Variants in TMEM260 observed in about 807,000 individuals in gnomAD.
TMEM260 encodes the protein protein O-mannosyl-transferase TMEM260.
Under a neutral mutation model 88.9 loss-of-function variants are expected in TMEM260, and 82 were observed. The observed-to-expected ratio is 0.92, with a 90% confidence interval of 0.77 to 1.11. The LOEUF (loss-of-function observed/expected upper bound fraction) is 1.11. Among genes scored for constraint, TMEM260 ranks in the 50% least tolerant of loss-of-function variants. The probability of loss-of-function intolerance (pLI) is 0.00; values close to 1 mark genes in which losing one functional copy is unlikely to be tolerated. For missense variants in TMEM260, 902 were observed against 853.4 expected, an observed-to-expected ratio of 1.06 and a Z score of -0.71; for synonymous variants, 314 against 309.3, an observed-to-expected ratio of 1.02 and a Z score of -0.16.
At chr14:56,625,799 T>G (rs1331508046) in intron 12 of TMEM260, among the ~76,000 whole-genome samples, 1 of 152,236 alleles carries the variant, frequency 6.6e-6, no homozygotes, top group Non-Finnish European at 1.5e-5. Context: ...ATTGGAGATG[T>G]GCCTGCCTAC....
Position 56,585,829 on chromosome 14 carries a change from T to C in TMEM260, c.261T>C (p.Phe87=), listed in dbSNP as rs61732665. The part of the protein sequence containing the change: ...VAKLAITLFP[F]GSIAYRVNLL... The stretch of plus-strand genomic sequence containing the variant: ...AACTGGCAATTACACTGTTTCCTTT[T>C]GGTTCAATTGCCTACCGCGTCAATC... Residue 87 remains phenylalanine (F), a synonymous_variant, in exon 3 of 16, where the codon TTT becomes TTC. Coordinates refer to ENST00000261556, the MANE Select transcript of TMEM260 (RefSeq NM_017799.4). The C allele has an allele frequency of 1.1e-3, 1,841 of 1,613,542 alleles. 23 individuals are homozygous for C. The African/African-American group carries it at 0.022, about 20-fold the overall frequency.
chr14:56,630,178 TTTTA>T (rs1485811271), intron 12 of TMEM260, among the ~76,000 whole-genome samples: 9 of 152,202 alleles, frequency 5.9e-5, no homozygotes, highest in African/African-American at 1.7e-4. Flanking sequence ...TTTCAAGACT[TTTTA>T]TTTGTCTTTA....
chr14:56,624,779 G>A (rs1320032305), intron 11 of TMEM260, among the ~76,000 whole-genome samples: 3 of 151,866 alleles, frequency 2.0e-5, no homozygotes, highest in Non-Finnish European at 4.4e-5. Flanking sequence ...TATTTACAGT[G>A]GTTCTGAAAG....
chr14:56,657,308 T>A, the TMEM260 span, among the ~76,000 whole-genome samples: 30 of 147,172 alleles, frequency 2.0e-4, no homozygotes, highest in African/African-American at 5.3e-4. Flanking sequence ...TCACTTTTTT[T>A]TTTACTTTTT....
At chr14:56,628,376 G>A (rs997859760) in intron 12 of TMEM260, among the ~76,000 whole-genome samples, 1 of 152,188 alleles carries the variant, frequency 6.6e-6, no homozygotes, top group African/African-American at 2.4e-5. Flanking sequence ...TCTTTTACAA[G>A]TGTCTTTTGC....
chr14:56,584,026 G>GTA (rs141472849), intron 1 of TMEM260, among the ~76,000 whole-genome samples: 3 of 140,340 alleles, frequency 2.1e-5, no homozygotes, highest in African/African-American at 7.8e-5. Context: ...GTGTGTGTGT[G>GTA]TATGTGTTTA....
At chr14:56,642,162 T>C (rs1272513444) in intron 15 of TMEM260, among the ~76,000 whole-genome samples, 11 of 152,202 alleles carry the variant, frequency 7.2e-5, no homozygotes, top group African/African-American at 2.7e-4. Context: ...GCGGACCTAA[T>C]AGAGATCTAC....
chr14:56,580,444 G>C (rs1282472361), intron 1 of TMEM260, among the ~76,000 whole-genome samples: 5 of 152,204 alleles, frequency 3.3e-5, no homozygotes, highest in African/African-American at 9.7e-5. Flanking sequence ...CAGTAGTGGC[G>C]AACAGATAAT....
At chr14:56,638,161 C>G (rs1889265310) in intron 15 of TMEM260, 1 of 151,012 alleles carries the variant, frequency 6.6e-6, no homozygotes, top group Non-Finnish European at 1.5e-5. Flanking sequence ...AAGGCAGATC[C>G]CTCCGAGACA....
At chr14:56,580,150 T>C in intron 1 of TMEM260, 76 bp downstream of exon 1, 1 of 1,194,564 alleles carries the variant, frequency 8.4e-7, no homozygotes. Flanking sequence ...GTCTGGCCCC[T>C]GCTCTTGGCA....
At chr14:56,651,415 G>A (rs1017773259), downstream of TMEM260, among the ~76,000 whole-genome samples, 2 of 151,990 alleles carry the variant, frequency 1.3e-5, no homozygotes, top group Non-Finnish European at 2.9e-5. Context: ...ATGCCATATT[G>A]GAAAACAAAA....
At chr14:56,640,036 T>TCCTG (rs918159702) in intron 15 of TMEM260, among the ~76,000 whole-genome samples, 1 of 152,056 alleles carries the variant, frequency 6.6e-6, no homozygotes, top group Non-Finnish European at 1.5e-5. Flanking sequence ...CTGCGTGCCT[T>TCCTG]CCTGCCTGCC....
rs376901455 is a variant in TMEM260, at chr14:56,585,757, G to A, written c.193-4G>A. 6.6e-5 allele frequency: 106 copies of A among 1,609,634 alleles called. 1 individual carries two copies. The highest frequency in any genetic ancestry group is 3.1e-4 in the East Asian group (14 of 44,790). On this transcript the variant is annotated splice_polypyrimidine_tract_variant and splice_region_variant and intron_variant, in intron 2 of 15. Coordinates refer to ENST00000261556, the MANE Select transcript of TMEM260 (RefSeq NM_017799.4). ...CCTTCTAACTGTTGCTAATTTTTCC[G>A]TAGGTTGCCCATCCTCCTGGCTATC... is the stretch of plus-strand genomic sequence containing the variant.
intron 9 of TMEM260, among the ~76,000 whole-genome samples, 180 bp from the exon 10 acceptor site, chr14:56,618,414 T>C (rs1326884806): frequency 1.3e-5 from 2 of 152,160 alleles, no homozygotes; most frequent in Admixed American, 1.3e-4. Flanking sequence ...GAAGGAAGAA[T>C]GTTTGAAAAT....
downstream of TMEM260, among the ~76,000 whole-genome samples, chr14:56,651,225 G>A (rs1409980402): frequency 6.6e-6 from 1 of 152,032 alleles, no homozygotes; most frequent in East Asian, 1.9e-4. Flanking sequence ...ATTTGGATCA[G>A]CACAGACAGT....
At chr14:56,610,298 TG>T (rs1162378935) in intron 6 of TMEM260, among the ~76,000 whole-genome samples, 1 of 152,174 alleles carries the variant, frequency 6.6e-6, no homozygotes, top group Non-Finnish European at 1.5e-5. Flanking sequence ...TGGAGTGCAG[TG>T]GCGCGATCTC....
At chr14:56,636,644 G>A (rs1330950788) in intron 15 of TMEM260, 46 bp downstream of exon 15, 1 of 1,506,584 alleles carries the variant, frequency 6.6e-7, no homozygotes, top group Non-Finnish European at 9.2e-7. Flanking sequence ...TTGGTGGGAA[G>A]GTGATGGTGA....
intron 3 of TMEM260, among the ~76,000 whole-genome samples, chr14:56,591,532 G>C (rs1438439280): frequency 6.6e-6 from 1 of 152,198 alleles, no homozygotes; most frequent in Non-Finnish European, 1.5e-5. Context: ...TTAGCGTGAT[G>C]ATATGCCTTG....
At position 56,583,990 on chromosome 14, in the gene TMEM260, TTGTGTGTG is replaced by T. The variant is rs10594077; in HGVS notation, c.161-981_161-974del. Among the ~76,000 whole-genome samples the T allele has an allele frequency of 8.9e-3, 1,293 of 145,922 alleles. 23 individuals carry two copies. Among genetic ancestry groups the T allele is most frequent in the African/African-American group, 0.031 (1,206 of 39,378 alleles). On this transcript the variant is annotated intron_variant, in intron 1 of 15. Transcript: ENST00000261556. ...TAGACTAGGGATGCAATCCAGCCTT[TTGTGTGTG>T]TGTGTGTGTGTGTGTGTGTGTGTGT... is the stretch of plus-strand genomic sequence containing the variant.
Sources: allele counts gnomAD v4.1 joint callset (sites outside exome capture counted in the v4.1 genomes callset), GRCh38; gene constraint gnomAD v4.1.1; transcripts MANE v1.5; gene names NCBI Gene and HGNC (gene_info 2026-07-23, HGNC 2026-07-21).